PTDSS2: variants seen among roughly 807,000 people sequenced by gnomAD.
PTDSS2 encodes phosphatidylserine synthase 2.
PTDSS2 carries 41 observed loss-of-function variants against 64.7 expected under a neutral mutation model. That is an observed-to-expected ratio of 0.63 (90% CI 0.49 to 0.82). PTDSS2 has a LOEUF of 0.82. Ranked by LOEUF, PTDSS2 falls within the 40% of genes least tolerant of loss-of-function variation. PTDSS2 has a pLI of 0.00. For missense variants in PTDSS2, 485 were observed against 650.0 expected, an observed-to-expected ratio of 0.75 and a Z score of 2.76; for synonymous variants, 297 against 277.8, an observed-to-expected ratio of 1.07 and a Z score of -0.69.
intron 8 of PTDSS2, among the ~76,000 whole-genome samples, chr11:488,948 A>T (rs1848535062): frequency 6.6e-6 from 1 of 152,222 alleles, no homozygotes; most frequent in Non-Finnish European, 1.5e-5. Context: ...TGGTTATGAA[A>T]TAGTTGCAGG....
At chr11:487,386 C>G in intron 5 of PTDSS2, 34 bp from the exon 6 acceptor site, 7 of 1,606,254 alleles carry the variant, frequency 4.4e-6, no homozygotes, top group Non-Finnish European at 6.0e-6. Context: ...GTGGCTGTGC[C>G]CCAGGGTCAA....
chr11:451,926 A>T (rs1472005719), intron 1 of PTDSS2, among the ~76,000 whole-genome samples: 2 of 152,088 alleles, frequency 1.3e-5, no homozygotes, highest in Admixed American at 6.5e-5. Context: ...CTCGGGAGGG[A>T]GAGGAGATGG....
Position 490,005 on chromosome 11 carries a change from C to T in PTDSS2, c.1238C>T (p.Ser413Phe). ...ACCCTGTCCCTGCCCTTCTACATCT[C>T]CCAGTGCTGGACCCTCGGCTCCGTC... ...TLTLSLPFYI[S>F]QCWTLGSVLA... The change falls in exon 11 of 12, where the codon TCC (serine) becomes TTC (phenylalanine). Residue 413 changes from serine (S) to phenylalanine (F), a missense_variant. Physicochemically the swap from Ser to Phe is radical, Grantham distance 155. Coordinates refer to ENST00000308020, the MANE Select transcript of PTDSS2 (RefSeq NM_030783.3). 6.2e-7 allele frequency: 1 copy of T among 1,612,150 alleles called. No individual in the cohort carries two copies. The highest frequency in any genetic ancestry group is 8.5e-7 in the Non-Finnish European group (1 of 1,179,980).
chr11:469,118 T>G (rs1847283202), intron 2 of PTDSS2, among the ~76,000 whole-genome samples: 1 of 97,894 alleles, frequency 1.0e-5, no homozygotes, highest in Non-Finnish European at 2.1e-5. Context: ...AGTCTCTGGG[T>G]AATCGGAAGG....
At chr11:481,489 G>T (rs947681792) in intron 4 of PTDSS2, among the ~76,000 whole-genome samples, 1 of 152,202 alleles carries the variant, frequency 6.6e-6, no homozygotes, top group South Asian at 2.1e-4. Flanking sequence ...TTGAAGATGG[G>T]ATGGCTTTCC....
intron 6 of PTDSS2, 50 bp from the exon 7 acceptor site, chr11:488,149 G>T: frequency 1.4e-6 from 2 of 1,392,896 alleles, no homozygotes; most frequent in Non-Finnish European, 2.0e-6. Flanking sequence ...CCGTGGGCAG[G>T]GCCGGGTGTG....
chr11:468,824 C>T (rs1847259171), intron 2 of PTDSS2, among the ~76,000 whole-genome samples: 1 of 111,244 alleles, frequency 9.0e-6, no homozygotes, highest in Non-Finnish European at 1.8e-5. Flanking sequence ...GGAGGGGAGT[C>T]TGGGTAATCG....
At chr11:458,839 A>G (rs1425232383) in intron 1 of PTDSS2, 1 of 152,220 alleles carries the variant, frequency 6.6e-6, no homozygotes, top group Non-Finnish European at 1.5e-5. Flanking sequence ...CCAGTTTGTG[A>G]CTTGCCTTTT....
intron 2 of PTDSS2, among the ~76,000 whole-genome samples, chr11:472,997 T>G (rs11825931): frequency 6.6e-6 from 1 of 152,058 alleles, no homozygotes; most frequent in South Asian, 2.1e-4. Flanking sequence ...AGAGGATGGG[T>G]GCATCCGAGC....
At chr11:454,015 G>A (rs945168304) in intron 1 of PTDSS2, among the ~76,000 whole-genome samples, 5 of 152,236 alleles carry the variant, frequency 3.3e-5, no homozygotes, top group African/African-American at 4.8e-5. Flanking sequence ...CAGACCTGGC[G>A]TCCTGGGAGG....
At chr11:475,352 AGGACATATTCACATATTTGTGTGTAT>A (rs1262241443) in intron 3 of PTDSS2, among the ~76,000 whole-genome samples, 2 of 132,052 alleles carry the variant, frequency 1.5e-5, no homozygotes, top group Non-Finnish European at 3.2e-5. Flanking sequence ...GTTTGTGTGT[AGGACATATTCACATATTTGTGTGTAT>A]GGACATATTC....
At chr11:453,437 C>T (rs1846440337) in intron 1 of PTDSS2, among the ~76,000 whole-genome samples, 1 of 152,164 alleles carries the variant, frequency 6.6e-6, no homozygotes, top group East Asian at 1.9e-4. Flanking sequence ...AGCTGGGGGC[C>T]ACTGTGATGT....
At chr11:489,768 C>G (rs779579997) in intron 10 of PTDSS2, 35 bp downstream of exon 10, 1 of 1,594,902 alleles carries the variant, frequency 6.3e-7, no homozygotes, top group South Asian at 1.1e-5. Flanking sequence ...GAGACACCCC[C>G]GGGGGGCAGG....
At chr11:485,084 T>C (rs61313464) in intron 4 of PTDSS2, among the ~76,000 whole-genome samples, 54 of 63,182 alleles carry the variant, frequency 8.5e-4, no homozygotes, top group African/African-American at 1.9e-3. Flanking sequence ...CACGTGTGCT[T>C]ACTGTGCACA....
Position 485,790 on chromosome 11 carries a change from G to A in PTDSS2, c.436-1149G>A, listed in dbSNP as rs576679013. On this transcript the variant is annotated intron_variant, in intron 4 of 11. Coordinates refer to ENST00000308020, the MANE Select transcript of PTDSS2 (RefSeq NM_030783.3). The stretch of plus-strand genomic sequence containing the variant: ...ACGGGCGCGCGTGTGCTCACCGTGC[G>A]CGCAGGCGAGCGTAAACAGTGCACG... Among the ~76,000 whole-genome samples the A allele has an allele frequency of 7.3e-3, 873 of 119,624 alleles. 15 individuals are homozygous for A. The highest frequency in any genetic ancestry group is 0.032 in the Admixed American group (367 of 11,560). 78.5% of individuals were successfully genotyped at this position (119,624 alleles called of 152,430 possible).
At chr11:475,104 C>T (rs569935228) in intron 3 of PTDSS2, among the ~76,000 whole-genome samples, 20 of 147,042 alleles carry the variant, frequency 1.4e-4, no homozygotes, top group Non-Finnish European at 4.5e-5. Context: ...GGGACATATT[C>T]ACGCGTTTGT....
At position 455,856 on chromosome 11, in the gene PTDSS2, T is replaced by A. The variant is rs1180598184; in HGVS notation, c.183-4331T>A. Among the ~76,000 whole-genome samples, 5 of 152,346 alleles carry A rather than the reference T, an allele frequency of 3.3e-5. No homozygotes were observed. In the East Asian group the frequency reaches 7.7e-4, roughly 24 times the overall value. On this transcript the variant is annotated intron_variant, in intron 1 of 11. Coordinates refer to ENST00000308020, the MANE Select transcript of PTDSS2 (RefSeq NM_030783.3). ...CTCTCCTGTATTGGTCTCACTCCAC[T>A]GGAAGGAAGGCTCAGGAACGCAGGC...
intron 3 of PTDSS2, among the ~76,000 whole-genome samples, chr11:477,450 C>T (rs533248853): frequency 2.0e-5 from 3 of 152,118 alleles, no homozygotes; most frequent in Admixed American, 6.5e-5. Context: ...GGAGCTGCTC[C>T]GGGAAGCGAC....
intron 7 of PTDSS2, 78 bp from the exon 8 acceptor site, chr11:488,451 C>A (rs767850866): frequency 5.0e-6 from 7 of 1,396,456 alleles, no homozygotes; most frequent in Non-Finnish European, 6.1e-6. Context: ...TTCTCGGTTC[C>A]CCTGTGCTCT....
Sources: gnomAD v4.1 joint callset for allele counts (sites outside exome capture counted in the v4.1 genomes callset) on GRCh38, gnomAD v4.1.1 for gene constraint, MANE v1.5 for transcripts, NCBI Gene and HGNC (gene_info 2026-07-23, HGNC 2026-07-21) for gene names.